The following SLIT3 variants were observed in gnomAD, a reference collection of about 807,000 sequenced individuals.
SLIT3 encodes slit guidance ligand 3.
Under a neutral mutation model 184.0 loss-of-function variants are expected in SLIT3, and 68 were observed. The ratio of observed to expected loss-of-function variants is 0.37; its 90% CI spans 0.30 to 0.45. The LOEUF is 0.45. Among genes scored for constraint, SLIT3 ranks in the 20% least tolerant of loss-of-function variants. SLIT3 has a pLI of 1.00. For synonymous variants in SLIT3, 831 were observed against 828.6 expected, an observed-to-expected ratio of 1.00 and a Z score of -0.05; for missense variants, 1,707 against 2,026.0, an observed-to-expected ratio of 0.84 and a Z score of 3.02.
At position 168,907,153 on chromosome 5, in the gene SLIT3, G is replaced by A. The variant is rs182715756; in HGVS notation, c.414-23817C>T. On this transcript the variant is annotated intron_variant, in intron 4 of 35. Coordinates refer to ENST00000519560, the MANE Select transcript of SLIT3 (RefSeq NM_003062.4). The stretch of plus-strand genomic sequence containing the variant: ...AGGGATTACAGGCATGAACCACCGC[G>A]CCCAGCTGGGATTTTTTTATACTTT... Among the ~76,000 whole-genome samples, 29 of 152,296 alleles carry A rather than the reference G, an allele frequency of 1.9e-4. No individual in the cohort carries two copies. In the East Asian group the frequency reaches 4.8e-3, roughly 25 times the overall value.
rs13436824 is a variant in SLIT3 at position 169,004,219 on chromosome 5, T to C, written c.414-120883A>G. 2.6e-3 allele frequency among the ~76,000 whole-genome samples: 403 copies of C among 152,122 alleles called. 1 individual carries two copies. The highest frequency in any genetic ancestry group is 9.3e-3 in the African/African-American group (385 of 41,534). Reference sequence around the variant, plus strand: ...CACGAAACCCGAAGGGCTGATATTCTGTGCATCTCAGAGAAATAAAAGTGG... The same window carrying C: ...CACGAAACCCGAAGGGCTGATATTCCGTGCATCTCAGAGAAATAAAAGTGG... On this transcript the variant is annotated intron_variant, in intron 4 of 35. Transcript: ENST00000519560.
At chr5:168,963,218 C>A (rs1561576949) in intron 4 of SLIT3, among the ~76,000 whole-genome samples, 1 of 152,214 alleles carries the variant, frequency 6.6e-6, no homozygotes, top group Admixed American at 6.5e-5. Flanking sequence ...TTTGGCCAGG[C>A]TGGAGTGCAA....
At chr5:168,938,920 T>C (rs1239590134) in intron 4 of SLIT3, among the ~76,000 whole-genome samples, 1 of 152,148 alleles carries the variant, frequency 6.6e-6, no homozygotes, top group African/African-American at 2.4e-5. Flanking sequence ...TGAGCCACTG[T>C]GCCCAGCCTA....
intron 32 of SLIT3, among the ~76,000 whole-genome samples, chr5:168,678,223 C>T (rs1561869921): frequency 6.6e-6 from 1 of 152,174 alleles, no homozygotes; most frequent in Non-Finnish European, 1.5e-5. Context: ...TGGCTGAAGC[C>T]AGTGTTTTTC....
intron 4 of SLIT3, among the ~76,000 whole-genome samples, chr5:169,126,882 T>C (rs1761098775): frequency 6.7e-6 from 1 of 149,972 alleles, no homozygotes; most frequent in South Asian, 2.1e-4. Context: ...CTTAACCAAA[T>C]GACCCCATGA....
chr5:169,294,782 T>C lies in SLIT3; in HGVS notation c.197+5731A>G, dbSNP rs556812916. Among the ~76,000 whole-genome samples the C allele has an allele frequency of 5.9e-5, 9 of 152,316 alleles. No individual in the cohort carries two copies. The South Asian group carries it at 1.9e-3, about 32-fold the overall frequency. Reference sequence around the variant, plus strand: ...CGAGCCCAGATGGTCTAGCCTACTATACGTCTAGGCTAGATGTGATAGCCT... The same window carrying C: ...CGAGCCCAGATGGTCTAGCCTACTACACGTCTAGGCTAGATGTGATAGCCT... On this transcript the variant is annotated intron_variant, in intron 1 of 35. Coordinates refer to ENST00000519560, the MANE Select transcript of SLIT3 (RefSeq NM_003062.4).
At chr5:169,083,109 GAACT>G (rs1460337010) in intron 4 of SLIT3, among the ~76,000 whole-genome samples, 3 of 152,142 alleles carry the variant, frequency 2.0e-5, no homozygotes, top group African/African-American at 4.8e-5. Flanking sequence ...CACAGTTTCG[GAACT>G]AACTGGTCAC....
At chr5:169,213,271 T>TC (rs35563181) in intron 3 of SLIT3, among the ~76,000 whole-genome samples, 46,377 of 151,802 alleles carry the variant, frequency 0.31, 8,059 homozygotes, top group East Asian at 0.69. Flanking sequence ...GTGAAGGCCC[T>TC]CTTCAAGGAG....
chr5:169,016,682 T>C (rs541221940), intron 4 of SLIT3, among the ~76,000 whole-genome samples: 7 of 152,284 alleles, frequency 4.6e-5, no homozygotes, highest in Admixed American at 4.6e-4. Context: ...GACAGCACAG[T>C]GTTAAAGGCA....
intron 4 of SLIT3, among the ~76,000 whole-genome samples, chr5:169,144,562 ACAAG>A (rs1339816558): frequency 1.3e-5 from 2 of 152,210 alleles, no homozygotes; most frequent in Non-Finnish European, 2.9e-5. Context: ...TAAATGTTTG[ACAAG>A]TAAGTGAATG....
At chr5:169,111,191 G>T (rs902947145) in intron 4 of SLIT3, among the ~76,000 whole-genome samples, 4 of 152,100 alleles carry the variant, frequency 2.6e-5, no homozygotes, top group African/African-American at 9.7e-5. Flanking sequence ...TCCCTGCCCT[G>T]GCTCACTAGG....
At chr5:169,020,218 G>C (rs1381129857) in intron 4 of SLIT3, among the ~76,000 whole-genome samples, 2 of 152,182 alleles carry the variant, frequency 1.3e-5, no homozygotes, top group East Asian at 3.8e-4. Flanking sequence ...AGTGAGACTG[G>C]CTGGCAGTTG....
At chr5:169,174,258 T>C (rs768816855) in intron 4 of SLIT3, among the ~76,000 whole-genome samples, 11 of 152,200 alleles carry the variant, frequency 7.2e-5, no homozygotes, top group Non-Finnish European at 1.5e-4. Context: ...TTCTTTAATT[T>C]CTGTCAATGA....
At position 169,251,101 on chromosome 5, in the gene SLIT3, G is replaced by A. The variant is rs182244019; in HGVS notation, c.269+287C>T. 7.9e-5 allele frequency among the ~76,000 whole-genome samples: 12 copies of A among 152,312 alleles called. No individual in the cohort carries two copies. In the South Asian group the frequency reaches 1.7e-3, roughly 21 times the overall value. On this transcript the variant is annotated intron_variant, in intron 2 of 35. Transcript: ENST00000519560. ...AAGCATGGTTAGTCAACCTGACATC[G>A]CTGTCATCCTAGAAGCTGGGCATGG... is the stretch of plus-strand genomic sequence containing the variant.
intron 4 of SLIT3, among the ~76,000 whole-genome samples, chr5:169,127,852 A>C (rs1225228069): frequency 1.3e-5 from 2 of 152,208 alleles, no homozygotes; most frequent in Non-Finnish European, 2.9e-5. Context: ...TCTAACAAGA[A>C]GGGTTTTTCC....
chr5:168,939,280 G>A (rs556235410), intron 4 of SLIT3, among the ~76,000 whole-genome samples: 4 of 152,310 alleles, frequency 2.6e-5, no homozygotes, highest in South Asian at 2.1e-4. Context: ...GGAAGCCAGC[G>A]TCATCAGGCC....
At chr5:168,910,865 C>T (rs955075799) in intron 4 of SLIT3, among the ~76,000 whole-genome samples, 1 of 152,050 alleles carries the variant, frequency 6.6e-6, no homozygotes, top group African/African-American at 2.4e-5. Context: ...TCTTTTAAAA[C>T]ACAGTTTATG....
chr5:169,110,414 G>A (rs941197404), intron 4 of SLIT3, among the ~76,000 whole-genome samples: 6 of 152,166 alleles, frequency 3.9e-5, no homozygotes, highest in Non-Finnish European at 5.9e-5. Flanking sequence ...TGGCAGGGTT[G>A]GCTCCTTCTG....
At chr5:168,915,857 T>G (rs1316443148) in intron 4 of SLIT3, among the ~76,000 whole-genome samples, 1 of 152,244 alleles carries the variant, frequency 6.6e-6, no homozygotes, top group East Asian at 1.9e-4. Flanking sequence ...ACAAACCAAT[T>G]GTTGGAAAAC....
Sources: gnomAD v4.1 joint callset for allele counts (sites outside exome capture counted in the v4.1 genomes callset) on GRCh38, gnomAD v4.1.1 for gene constraint, MANE v1.5 for transcripts, NCBI Gene and HGNC (gene_info 2026-07-23, HGNC 2026-07-21) for gene names.